Variants in TTC7A observed in about 807,000 individuals in gnomAD.
TTC7A encodes the protein tetratricopeptide repeat domain 7A, also known as tetratricopeptide repeat protein 7A.
Under a neutral mutation model 103.7 loss-of-function variants are expected in TTC7A, and 110 were observed. The observed-to-expected ratio is 1.06, with a 90% CI of 0.91 to 1.24. TTC7A has a LOEUF of 1.24. Ranked by LOEUF, TTC7A falls within the 50% of genes most tolerant of loss-of-function variation. The pLI is 0.00. For synonymous variants in TTC7A, 521 were observed against 467.9 expected (o/e 1.11, Z -1.47); for missense variants, 1,340 against 1,116.3 (o/e 1.20, Z -2.86).
Position 47,073,714 on chromosome 2 carries a change from A to G in TTC7A, c.2368A>G (p.Ser790Gly), listed in dbSNP as rs1400399520. Residue 790 changes from serine (S) to glycine (G), a missense_variant, in exon 20 of 20, where the codon AGT (serine) becomes GGT (glycine). Transcript: ENST00000319190. Reference sequence around the variant, plus strand: ...GCTTCGTCCACAGGGTCTGATGCTGAGTCGGCTGGGCCACAAGAGCTTGGC... The same window carrying G: ...GCTTCGTCCACAGGGTCTGATGCTGGGTCGGCTGGGCCACAAGAGCTTGGC... Reference protein sequence around the residue: ...RIMHSLGLMLSRLGHKSLAQK... With the variant: ...RIMHSLGLMLGRLGHKSLAQK... 1 of 1,613,702 alleles carries G rather than the reference A, an allele frequency of 6.2e-7. No homozygotes were observed. Among genetic ancestry groups the G allele is most frequent in the East Asian group, 2.2e-5 (1 of 44,890 alleles).
In TTC7A at chr2:47,058,505, C is replaced by T. The variant is rs1683503372; in HGVS notation, c.2153-2264C>T. ...TTTCTCCACCTCTTTCTGGGAGCTT[C>T]CCTTGGGCATCTCTGTTCTCTATCC... is the stretch of plus-strand genomic sequence containing the variant. On this transcript the variant is annotated intron_variant, in intron 18 of 19. Transcript: ENST00000319190. Among the ~76,000 whole-genome samples the T allele has an allele frequency of 2.0e-5, 3 of 152,226 alleles. No individual in the cohort carries two copies. In the South Asian group the frequency reaches 6.2e-4, roughly 32 times the overall value.
chr2:46,917,771 T>C (rs756810888), intron 2 of TTC7A, among the ~76,000 whole-genome samples: 4 of 152,226 alleles, frequency 2.6e-5, no homozygotes, highest in Non-Finnish European at 4.4e-5. Flanking sequence ...TGATCTCTTG[T>C]TTTTATTTTA....
At chr2:46,980,392 T>G (rs1394866250) in intron 5 of TTC7A, among the ~76,000 whole-genome samples, 1 of 152,034 alleles carries the variant, frequency 6.6e-6, no homozygotes, top group African/African-American at 2.4e-5. Context: ...GCTAATTTTT[T>G]GTAGAGAGGG....
chr2:47,053,834 A>G (rs1202276765), intron 18 of TTC7A, among the ~76,000 whole-genome samples: 1 of 152,222 alleles, frequency 6.6e-6, no homozygotes, highest in Non-Finnish European at 1.5e-5. Context: ...GTGGCCCACC[A>G]AAGTGCTGGG....
In TTC7A at chr2:46,981,605, G is replaced by A. The variant is rs549298676; in HGVS notation, c.764+2698G>A. ...AAGACCTCTGAGACTCTCTAGAACC[G>A]GAGCCTGAAGTGGGTCATGAATCTC... is the stretch of plus-strand genomic sequence containing the variant. On this transcript the variant is annotated intron_variant, in intron 5 of 19. Coordinates refer to ENST00000319190, the MANE Select transcript of TTC7A (RefSeq NM_020458.4). Among the ~76,000 whole-genome samples the A allele has an allele frequency of 3.2e-4, 49 of 152,336 alleles. 1 individual carries two copies. In the South Asian group the frequency reaches 9.7e-3, roughly 30 times the overall value.
At chr2:47,072,569 C>T (rs1011560622) in intron 19 of TTC7A, among the ~76,000 whole-genome samples, 16 of 152,326 alleles carry the variant, frequency 1.1e-4, no homozygotes, top group African/African-American at 2.9e-4. Flanking sequence ...AATGTTCCAG[C>T]TAAAAATGTA....
intron 5 of TTC7A, among the ~76,000 whole-genome samples, chr2:46,987,387 T>C (rs1675122024): frequency 6.6e-6 from 1 of 152,050 alleles, no homozygotes; most frequent in African/African-American, 2.4e-5. Flanking sequence ...AGTGGGGGCC[T>C]GAAAGGGGAG....
chr2:47,028,382 C>T (rs1015845662), intron 14 of TTC7A, among the ~76,000 whole-genome samples: 3 of 152,252 alleles, frequency 2.0e-5, no homozygotes, highest in African/African-American at 7.2e-5. Flanking sequence ...TCCAGTAGAA[C>T]ATTGGAGTCC....
At chr2:46,982,822 C>T (rs1050747590) in intron 5 of TTC7A, among the ~76,000 whole-genome samples, 4 of 152,022 alleles carry the variant, frequency 2.6e-5, no homozygotes, top group Non-Finnish European at 5.9e-5. Context: ...TTTTAATTAG[C>T]TGGACATCGT....
At chr2:47,008,521 G>A (rs903834776) in intron 10 of TTC7A, among the ~76,000 whole-genome samples, 1 of 152,240 alleles carries the variant, frequency 6.6e-6, no homozygotes, top group East Asian at 1.9e-4. Flanking sequence ...GGCCCCGGGA[G>A]TGGGCTTGCA....
intron 14 of TTC7A, among the ~76,000 whole-genome samples, chr2:47,027,262 G>A (rs1360917451): frequency 6.6e-6 from 1 of 152,174 alleles, no homozygotes; most frequent in African/African-American, 2.4e-5. Context: ...GGAGGAGAAG[G>A]CCAGCTGGGC....
chr2:47,036,825 T>C (rs994936248), intron 15 of TTC7A, among the ~76,000 whole-genome samples: 1 of 152,214 alleles, frequency 6.6e-6, no homozygotes, highest in African/African-American at 2.4e-5. Context: ...ACTATTACAC[T>C]CCAGCTTGGG....
chr2:46,938,206 T>C (rs1670074615), upstream of TTC7A, among the ~76,000 whole-genome samples: 1 of 152,306 alleles, frequency 6.6e-6, no homozygotes, highest in South Asian at 2.1e-4. Flanking sequence ...AAGTCACCAA[T>C]GAAGGTGTTC....
At chr2:47,032,044 C>T (rs1034422996) in intron 15 of TTC7A, among the ~76,000 whole-genome samples, 3 of 152,206 alleles carry the variant, frequency 2.0e-5, no homozygotes, top group Non-Finnish European at 2.9e-5. Context: ...TGCCTCAACA[C>T]GTGCACTTTC....
In TTC7A at chr2:47,001,159, C is replaced by T. The variant is rs148195890; in HGVS notation, c.1066-4763C>T. On this transcript the variant is annotated intron_variant, in intron 8 of 19. Coordinates refer to ENST00000319190, the MANE Select transcript of TTC7A (RefSeq NM_020458.4). ...ATTGTGAGATGCCGTACAGAACATG[C>T]TCCACATGGTAGTTTCCTTTCCTTC... Among the ~76,000 whole-genome samples, 3 of 152,304 alleles carry T rather than the reference C, an allele frequency of 2.0e-5. No homozygotes were observed. In the East Asian group the frequency reaches 5.8e-4, roughly 29 times the overall value.
chr2:46,989,527 G>C (rs1340675742), intron 5 of TTC7A, among the ~76,000 whole-genome samples: 1 of 152,174 alleles, frequency 6.6e-6, no homozygotes, highest in Non-Finnish European at 1.5e-5. Flanking sequence ...TCTCAGAGGA[G>C]TAAGCTGAGG....
intron 5 of TTC7A, among the ~76,000 whole-genome samples, chr2:46,989,332 C>G (rs1156492673): frequency 1.3e-5 from 2 of 152,222 alleles, no homozygotes; most frequent in East Asian, 3.8e-4. Flanking sequence ...CAGCTTTGCT[C>G]AGAAAGGTCA....
At chr2:46,992,550 T>C (rs1343689337) in intron 5 of TTC7A, among the ~76,000 whole-genome samples, 1 of 152,092 alleles carries the variant, frequency 6.6e-6, no homozygotes, top group East Asian at 1.9e-4. Flanking sequence ...GGGAGAAAGG[T>C]GAGGGGCAGG....
chr2:46,981,349 C>T (rs1309533929), intron 5 of TTC7A, among the ~76,000 whole-genome samples: 1 of 152,084 alleles, frequency 6.6e-6, no homozygotes, highest in African/African-American at 2.4e-5. Context: ...CTCCCTTCCC[C>T]ACAAAGTTGC....
Sources: allele counts gnomAD v4.1 joint callset (sites outside exome capture counted in the v4.1 genomes callset), GRCh38; gene constraint gnomAD v4.1.1; transcripts MANE v1.5; gene names NCBI Gene and HGNC (gene_info 2026-07-23, HGNC 2026-07-21).